ARHGAP12: variants seen among roughly 807,000 people sequenced by gnomAD.
ARHGAP12 encodes Rho GTPase activating protein 12, also known as rho GTPase-activating protein 12.
In ARHGAP12, 64 loss-of-function variants were observed where a neutral mutation model predicts 108.6. The observed-to-expected ratio is 0.59, with a 90% CI of 0.48 to 0.73. The LOEUF (loss-of-function observed/expected upper bound fraction) is 0.73, where lower values mean the gene tolerates loss of function less well. Ranked by LOEUF, ARHGAP12 falls within the 30% of genes least tolerant of loss-of-function variation. The pLI, the probability that ARHGAP12 is intolerant of heterozygous loss-of-function variation, is 0.00. For synonymous variants in ARHGAP12, 312 were observed against 337.2 expected, an observed-to-expected ratio of 0.93 and a Z score of 0.82; for missense variants, 940 against 1,005.9, an observed-to-expected ratio of 0.93 and a Z score of 0.89.
intron 2 of ARHGAP12, 116 bp from the exon 3 acceptor site, chr10:31,909,042 T>TCAAACCC (rs1241454816): frequency 8.7e-6 from 5 of 576,958 alleles, no homozygotes; most frequent in Non-Finnish European, 1.5e-5. Flanking sequence ...ACTTCAAATC[T>TCAAACCC]CAAACCCCAA....
intron 1 of ARHGAP12, among the ~76,000 whole-genome samples, chr10:31,919,128 G>T (rs1282512401): frequency 6.6e-6 from 1 of 152,150 alleles, no homozygotes; most frequent in African/African-American, 2.4e-5. Context: ...AGTCACAAAG[G>T]GCAAACATTA....
chr10:31,808,457 C>T, intron 19 of ARHGAP12, 192 bp downstream of exon 19: 1 of 502,332 alleles, frequency 2.0e-6, no homozygotes, highest in South Asian at 2.5e-5. Context: ...ACCTACTTTA[C>T]TGTATTCTTC....
chr10:31,874,071 G>A (rs1269769469), intron 3 of ARHGAP12, among the ~76,000 whole-genome samples: 2 of 152,106 alleles, frequency 1.3e-5, no homozygotes, highest in Non-Finnish European at 2.9e-5. Flanking sequence ...TGGTACAACT[G>A]CAAATGAAAA....
intron 3 of ARHGAP12, among the ~76,000 whole-genome samples, chr10:31,882,561 T>C (rs927039819): frequency 1.3e-5 from 2 of 152,056 alleles, no homozygotes; most frequent in Admixed American, 6.6e-5. Context: ...ACACCTGTAA[T>C]CCCAGCACTT....
intron 4 of ARHGAP12, among the ~76,000 whole-genome samples, chr10:31,860,229 G>A (rs903379574): frequency 6.6e-6 from 1 of 152,164 alleles, no homozygotes; most frequent in African/African-American, 2.4e-5. Context: ...AAGCTTTTGG[G>A]AGTCTGCTAA....
At chr10:31,878,382 C>T (rs1837814195) in intron 3 of ARHGAP12, among the ~76,000 whole-genome samples, 1 of 152,198 alleles carries the variant, frequency 6.6e-6, no homozygotes, top group East Asian at 1.9e-4. Flanking sequence ...ACTCCTAAAC[C>T]TACTTCAATA....
intron 3 of ARHGAP12, among the ~76,000 whole-genome samples, chr10:31,862,452 C>T (rs535685776): frequency 6.6e-6 from 1 of 152,034 alleles, no homozygotes; most frequent in African/African-American, 2.4e-5. Context: ...TATAAGGGCA[C>T]TGTAAATTGT....
intron 3 of ARHGAP12, among the ~76,000 whole-genome samples, chr10:31,863,153 T>A (rs529142889): frequency 6.6e-6 from 1 of 152,226 alleles, no homozygotes; most frequent in Admixed American, 6.5e-5. Context: ...CAAATTCGAC[T>A]ATTTTCCTTA....
At position 31,908,502 on chromosome 10, in the gene ARHGAP12, C is replaced by T. The variant is rs1839226618; in HGVS notation, c.354G>A (p.Lys118=). 1 of 1,614,206 alleles carries T rather than the reference C, an allele frequency of 6.2e-7. No homozygotes were observed. The highest frequency in any genetic ancestry group is 8.5e-7 in the Non-Finnish European group (1 of 1,180,034). The part of the protein sequence containing the change: ...NKLPELSSFG[K]PSSSVQGTGL... ...CTGTTCCTTGAACAGATGACGATGG[C>T]TTTCCGAAACTTGAAAGCTCAGGCA... is the stretch of plus-strand genomic sequence containing the variant. The change falls in exon 3 of 20, where the codon AAG becomes AAA. Residue 118 remains lysine, a synonymous_variant. Transcript: ENST00000344936.
At chr10:31,867,040 C>A (rs1480166142) in intron 3 of ARHGAP12, among the ~76,000 whole-genome samples, 1 of 151,838 alleles carries the variant, frequency 6.6e-6, no homozygotes, top group East Asian at 1.9e-4. Context: ...AGTAGAAGCA[C>A]AGATAATTAG....
At chr10:31,866,174 A>G (rs1837315231) in intron 3 of ARHGAP12, among the ~76,000 whole-genome samples, 1 of 152,226 alleles carries the variant, frequency 6.6e-6, no homozygotes, top group Non-Finnish European at 1.5e-5. Flanking sequence ...AGGAAAGAAT[A>G]GCATTTGAAA....
At chr10:31,813,792 T>G in intron 14 of ARHGAP12, among the ~76,000 whole-genome samples, 1 of 152,226 alleles carries the variant, frequency 6.6e-6, no homozygotes, top group Non-Finnish European at 1.5e-5. Context: ...TAGTAAGATC[T>G]GGAGATAGAA....
At chr10:31,911,137 C>G (rs1397078930) in intron 1 of ARHGAP12, among the ~76,000 whole-genome samples, 1 of 152,158 alleles carries the variant, frequency 6.6e-6, no homozygotes, top group African/African-American at 2.4e-5. Context: ...AATTCTCCTG[C>G]CTCAGCCTTC....
At chr10:31,873,532 C>A (rs141992834) in intron 3 of ARHGAP12, among the ~76,000 whole-genome samples, 4 of 152,276 alleles carry the variant, frequency 2.6e-5, no homozygotes, top group Non-Finnish European at 5.9e-5. Context: ...TCGGCCGGCA[C>A]CAATCTGCAG....
At chr10:31,869,976 A>G (rs1837477809) in intron 3 of ARHGAP12, among the ~76,000 whole-genome samples, 1 of 152,190 alleles carries the variant, frequency 6.6e-6, no homozygotes, top group African/African-American at 2.4e-5. Flanking sequence ...ATACCTGGGT[A>G]TCTACCTTAC....
intron 1 of ARHGAP12, among the ~76,000 whole-genome samples, chr10:31,922,887 G>C (rs1438609538): frequency 1.3e-5 from 2 of 152,100 alleles, no homozygotes; most frequent in Non-Finnish European, 2.9e-5. Context: ...CAGTGTTTTA[G>C]GAAGTCGAGA....
chr10:31,906,834 G>A (rs563015425), intron 3 of ARHGAP12, among the ~76,000 whole-genome samples: 1 of 152,256 alleles, frequency 6.6e-6, no homozygotes, highest in South Asian at 2.1e-4. Flanking sequence ...GGTGATGGCT[G>A]GATGGAATCC....
intron 12 of ARHGAP12, among the ~76,000 whole-genome samples, chr10:31,819,176 G>C (rs1199491993): frequency 6.6e-6 from 1 of 152,004 alleles, no homozygotes; most frequent in Non-Finnish European, 1.5e-5. Flanking sequence ...TAGCCTCATT[G>C]TTATGGTGAT....
chr10:31,872,694 T>C (rs1319437883), intron 3 of ARHGAP12, among the ~76,000 whole-genome samples: 3 of 152,190 alleles, frequency 2.0e-5, no homozygotes, highest in Non-Finnish European at 2.9e-5. Context: ...AGCACATATC[T>C]GATATCGTTA....
Sources: gnomAD v4.1 joint callset for allele counts (sites outside exome capture counted in the v4.1 genomes callset) on GRCh38, gnomAD v4.1.1 for gene constraint, MANE v1.5 for transcripts, NCBI Gene and HGNC (gene_info 2026-07-23, HGNC 2026-07-21) for gene names.